The following STX16 variants were observed in gnomAD, a reference collection of about 807,000 sequenced individuals.
The protein encoded by STX16 is syntaxin-16.
STX16 carries 28 observed loss-of-function variants against 42.7 expected under a neutral mutation model. That is an observed-to-expected ratio of 0.66 (90% CI 0.49 to 0.90). The LOEUF (loss-of-function observed/expected upper bound fraction) is 0.90. STX16 is among the 40% of genes least tolerant of loss of function. The pLI is 0.00. For missense variants in STX16, 361 were observed against 420.9 expected (o/e 0.86, Z 1.24); for synonymous variants, 156 against 155.2 (o/e 1.00, Z -0.04).
rs371863588 is a variant in STX16, at chr20:58,671,281, C to T, written c.776C>T (p.Ala259Val). The change falls in exon 7 of 9, where the codon GCG (alanine) becomes GTG (valine). Residue 259 changes from alanine to valine, a missense_variant. Physicochemically the swap from Ala to Val is moderately conservative, Grantham distance 64. Coordinates refer to ENST00000371141, the MANE Select transcript of STX16 (RefSeq NM_001001433.3). Reference sequence around the variant, plus strand: ...AATGAAATATTCAGGGACTTAGGGGCGATGATTGTAGAACAGGTACGTGAG... The same window carrying T: ...AATGAAATATTCAGGGACTTAGGGGTGATGATTGTAGAACAGGTACGTGAG... ...DLNEIFRDLG[A>V]MIVEQGTVLD... The T allele has an allele frequency of 1.3e-5, 21 of 1,611,828 alleles. No homozygotes were observed. The African/African-American group carries it at 1.5e-4, about 11-fold the overall frequency.
chr20:58,663,012 G>A (rs942162995), intron 2 of STX16, among the ~76,000 whole-genome samples: 1 of 152,220 alleles, frequency 6.6e-6, no homozygotes, highest in African/African-American at 2.4e-5. Flanking sequence ...TATTAGCGAA[G>A]TAGTCTGACT....
intron 2 of STX16, among the ~76,000 whole-genome samples, chr20:58,660,423 G>A (rs1417029069): frequency 3.9e-5 from 6 of 152,186 alleles, no homozygotes; most frequent in Non-Finnish European, 5.9e-5. Flanking sequence ...GAATAGTAAA[G>A]TAGGATTAGG....
intron 8 of STX16, among the ~76,000 whole-genome samples, chr20:58,674,410 A>G (rs2084054532): frequency 6.6e-6 from 1 of 152,208 alleles, no homozygotes; most frequent in Admixed American, 6.5e-5. Flanking sequence ...TTTAAAAGGA[A>G]TATAACAATA....
intron 6 of STX16, 78 bp from the exon 7 acceptor site, chr20:58,671,076 T>C: frequency 7.5e-7 from 1 of 1,326,892 alleles, no homozygotes; most frequent in South Asian, 1.7e-5. Flanking sequence ...TGTCTTTAAA[T>C]TATATCTAAA....
chr20:58,675,224 C>T (rs2084080219), intron 8 of STX16, among the ~76,000 whole-genome samples: 1 of 152,100 alleles, frequency 6.6e-6, no homozygotes, highest in South Asian at 2.1e-4. Flanking sequence ...TCCAGGTGGG[C>T]GGGCAGGCTC....
chr20:58,672,313 C>G (rs2083999183), intron 7 of STX16, among the ~76,000 whole-genome samples: 1 of 151,790 alleles, frequency 6.6e-6, no homozygotes, highest in South Asian at 2.1e-4. Context: ...GCCTGGGCAA[C>G]AAGAGTGAAA....
At chr20:58,667,075 G>GT (rs921402420) in intron 2 of STX16, 5,615 of 271,588 alleles carry the variant, frequency 0.021, no homozygotes, top group South Asian at 0.037. Context: ...TTACTGCCTA[G>GT]TTTTTTTTTT....
At chr20:58,653,855 GT>G (rs749763151) in intron 1 of STX16, among the ~76,000 whole-genome samples, 3,341 of 141,762 alleles carry the variant, frequency 0.024, 96 homozygotes, top group African/African-American at 0.074. Context: ...TAACATGAGG[GT>G]TTTTTTTTTT....
chr20:58,663,008 C>T (rs2083736744), intron 2 of STX16, among the ~76,000 whole-genome samples: 1 of 152,154 alleles, frequency 6.6e-6, no homozygotes, highest in South Asian at 2.1e-4. Context: ...TGTCTATTAG[C>T]GAAGTAGTCT....
chr20:58,659,464 A>AT (rs1451278123), intron 1 of STX16, among the ~76,000 whole-genome samples, 159 bp from the exon 2 acceptor site: 1 of 151,132 alleles, frequency 6.6e-6, no homozygotes, highest in African/African-American at 2.4e-5. Flanking sequence ...AAAAAAGGAG[A>AT]TTTTAAAATG....
At chr20:58,669,495 A>G in intron 5 of STX16, 42 bp downstream of exon 5, 1 of 1,566,726 alleles carries the variant, frequency 6.4e-7, no homozygotes, top group Non-Finnish European at 8.6e-7. Context: ...TTGAGTAAGA[A>G]AAGCACTTTA....
At chr20:58,672,281 G>A (rs994609963) in intron 7 of STX16, among the ~76,000 whole-genome samples, 5 of 152,032 alleles carry the variant, frequency 3.3e-5, no homozygotes, top group Admixed American at 6.6e-5. Context: ...GCAGTGAGCC[G>A]AGATTGCACC....
chr20:58,670,785 A>G (rs547394991), intron 6 of STX16, among the ~76,000 whole-genome samples, 182 bp downstream of exon 6: 1 of 152,332 alleles, frequency 6.6e-6, no homozygotes, highest in Admixed American at 6.5e-5. Flanking sequence ...TCCAAAGGCC[A>G]CAGGGAGACC....
At chr20:58,674,945 A>G (rs1330660330) in intron 8 of STX16, among the ~76,000 whole-genome samples, 1 of 152,222 alleles carries the variant, frequency 6.6e-6, no homozygotes, top group Admixed American at 6.5e-5. Context: ...AGTGGGAACT[A>G]AAAATTTTGT....
intron 8 of STX16, among the ~76,000 whole-genome samples, chr20:58,675,975 A>G (rs2084109845): frequency 2.0e-5 from 3 of 152,166 alleles, no homozygotes; most frequent in Admixed American, 6.5e-5. Context: ...TTCCACGTCC[A>G]GGGTAAATAA....
At chr20:58,652,371 A>ACCCCCCCCCCCCCCCCCC (rs11481928) in intron 1 of STX16, 26 of 462,058 alleles carry the variant, frequency 5.6e-5, no homozygotes, top group African/African-American at 2.9e-4. Context: ...CTTCCGCAGC[A>ACCCCCCCCCCCCCCCCCC]CCCCCCCCCC....
Position 58,651,974 on chromosome 20 carries a change from G to T in STX16, c.-33G>T. 1 of 1,610,320 alleles carries T rather than the reference G, an allele frequency of 6.2e-7. No homozygotes were observed. The highest frequency in any genetic ancestry group is 8.5e-7 in the Non-Finnish European group (1 of 1,176,788). ...AAATCAGGAATATAAGTGGGCGGGG[G>T]GCCCCTGAGAGGGGGGTCGCAAAGG... On this transcript the variant is annotated 5_prime_UTR_variant, in exon 1 of 9. Coordinates refer to ENST00000371141, the MANE Select transcript of STX16 (RefSeq NM_001001433.3).
Position 58,657,429 on chromosome 20 carries a change from T to TAAAGTAA in STX16, c.133-2193_133-2192insAAGTAAA. The stretch of plus-strand genomic sequence containing the variant: ...GTAACGGAAATAAAGTAAATATCAC[T>TAAAGTAA]ATAGCATAGACCTGTGTTTCCAACT... On this transcript the variant is annotated intron_variant, in intron 1 of 8. Coordinates refer to ENST00000371141, the MANE Select transcript of STX16 (RefSeq NM_001001433.3). This position sits in a 1 kb window ranked among gnomAD's most constrained non-coding sequence, Gnocchi z 4.2. Among the ~76,000 whole-genome samples, 1 of 152,234 alleles carries TAAAGTAA rather than the reference T, an allele frequency of 6.6e-6. No individual in the cohort carries two copies. Among genetic ancestry groups the TAAAGTAA allele is most frequent in the African/African-American group, 2.4e-5 (1 of 41,464 alleles).
rs562754128 is a variant in STX16 at position 58,673,872 on chromosome 20, A to G, written c.873+161A>G. Among the ~76,000 whole-genome samples, 17 of 152,366 alleles carry G rather than the reference A, an allele frequency of 1.1e-4. No homozygotes were observed. In the East Asian group the frequency reaches 1.3e-3, roughly 12 times the overall value. ...GGATTCATCATTTCATTTAAAGCCAATTGTGGGGGCTGTTGCCGTTTTATT... is the reference window on the plus strand; with the variant it reads ...GGATTCATCATTTCATTTAAAGCCAGTTGTGGGGGCTGTTGCCGTTTTATT... On this transcript the variant is annotated intron_variant, in intron 8 of 8. Coordinates refer to ENST00000371141, the MANE Select transcript of STX16 (RefSeq NM_001001433.3).
Sources: gnomAD v4.1 joint callset for allele counts (sites outside exome capture counted in the v4.1 genomes callset) on GRCh38, gnomAD v4.1.1 for gene constraint, Gnocchi (gnomAD v3.1) non-coding constraint, MANE v1.5 for transcripts, NCBI Gene and HGNC (gene_info 2026-07-23, HGNC 2026-07-21) for gene names.